Variants in NUP93 observed in about 807,000 individuals in gnomAD.
NUP93 encodes the protein nucleoporin 93.
NUP93 carries 55 observed loss-of-function variants against 107.8 expected under a neutral mutation model. That is an observed-to-expected ratio of 0.51 (90% CI 0.41 to 0.64). The LOEUF is 0.64. NUP93 is among the 30% of genes least tolerant of loss of function. The pLI is 0.00. For missense variants in NUP93, 937 were observed against 1,044.7 expected (o/e 0.90, Z 1.42); for synonymous variants, 390 against 397.5 (o/e 0.98, Z 0.22).
intron 5 of NUP93, among the ~76,000 whole-genome samples, chr16:56,817,360 G>T (rs748793174): frequency 5.3e-5 from 8 of 152,062 alleles, no homozygotes; most frequent in Non-Finnish European, 1.2e-4. Context: ...CCCTCTCCTG[G>T]TGCATGCCCA....
chr16:56,844,788 TTTC>T lies in NUP93; in HGVS notation c.*182_*184del, dbSNP rs1301760541. The T allele has an allele frequency of 1.0e-5, 3 of 295,476 alleles. No individual in the cohort carries two copies. Among genetic ancestry groups the T allele is most frequent in the Non-Finnish European group, 1.6e-5 (3 of 188,626 alleles). 18.3% of individuals were successfully genotyped at this position (295,476 alleles called of 1,614,324 possible). A position where few individuals can be genotyped will look rare whatever the true frequency, so the allele number is the denominator to read the frequency against. ...GTATTTCTTTTCAACATTCTTTTAT[TTTC>T]TTTTTTTTTTTCTTTGAAATTTTGT... On this transcript the variant is annotated 3_prime_UTR_variant, in exon 22 of 22. Coordinates refer to ENST00000308159, the MANE Select transcript of NUP93 (RefSeq NM_014669.5).
At position 56,845,585 on chromosome 16, in the gene NUP93, A is replaced by C. The variant is rs1357776265; in HGVS notation, c.*976A>C. On this transcript the variant is annotated 3_prime_UTR_variant, in exon 22 of 22. Coordinates refer to ENST00000308159, the MANE Select transcript of NUP93 (RefSeq NM_014669.5). The stretch of plus-strand genomic sequence containing the variant: ...CTCTGTTTCCCCCACCATCAGTCCC[A>C]AAGCCCTAGACTAAACCAGAGAGCA... 1 of 152,222 alleles carries C rather than the reference A, an allele frequency of 6.6e-6. No individual in the cohort carries two copies. Among genetic ancestry groups the C allele is most frequent in the East Asian group, 1.9e-4 (1 of 5,200 alleles). 9.4% of individuals were successfully genotyped at this position (152,222 alleles called of 1,614,324 possible).
chr16:56,813,693 A>G (rs1159872392), intron 5 of NUP93, among the ~76,000 whole-genome samples: 2 of 152,224 alleles, frequency 1.3e-5, no homozygotes, highest in Non-Finnish European at 2.9e-5. Context: ...TTACATGCAC[A>G]TCTGTATATC....
intron 8 of NUP93, among the ~76,000 whole-genome samples, chr16:56,827,044 C>CAAAAAAAAAA (rs1188027635): frequency 0.038 from 2,047 of 53,416 alleles, 221 homozygotes; most frequent in East Asian, 0.11. Context: ...GACTCCGTCT[C>CAAAAAAAAAA]AAAAAAAAAA....
chr16:56,817,521 T>TA (rs1322309026), intron 5 of NUP93, among the ~76,000 whole-genome samples: 20 of 152,224 alleles, frequency 1.3e-4, no homozygotes, highest in African/African-American at 4.6e-4. Context: ...GAGATAAGCT[T>TA]AAAGAATTTG....
chr16:56,807,693 A>T (rs1199727534), intron 5 of NUP93, among the ~76,000 whole-genome samples: 4 of 152,084 alleles, frequency 2.6e-5, no homozygotes, highest in African/African-American at 9.7e-5. Context: ...CTAAGTTGAA[A>T]TTTTTTTCCC....
chr16:56,801,949 C>T (rs1446931838), intron 4 of NUP93, among the ~76,000 whole-genome samples: 1 of 152,196 alleles, frequency 6.6e-6, no homozygotes. Flanking sequence ...CCACTGTCCT[C>T]TTCAGCAGTC....
chr16:56,823,596 A>G (rs1963594170), intron 7 of NUP93, 111 bp from the exon 8 acceptor site: 2 of 1,267,394 alleles, frequency 1.6e-6, no homozygotes, highest in Non-Finnish European at 2.2e-6. Context: ...AGATGACATT[A>G]ACCTCATCCC....
chr16:56,803,338 G>C (rs1182733776), intron 4 of NUP93, among the ~76,000 whole-genome samples: 1 of 152,028 alleles, frequency 6.6e-6, no homozygotes, highest in African/African-American at 2.4e-5. Context: ...GGTGGTGCAT[G>C]CTTGTAATCC....
intron 1 of NUP93, among the ~76,000 whole-genome samples, chr16:56,747,123 C>T (rs57458807): frequency 0.31 from 47,004 of 151,668 alleles, 7,628 homozygotes; most frequent in East Asian, 0.46. Flanking sequence ...CTCAGCTTCC[C>T]GAGTAGCTGG....
rs750817566 is a variant in NUP93, at chr16:56,837,656, G to A, written c.1948G>A (p.Val650Ile). The A allele has an allele frequency of 6.8e-6, 11 of 1,613,992 alleles. No individual in the cohort carries two copies. Among genetic ancestry groups the A allele is most frequent in the Admixed American group, 1.7e-5 (1 of 60,008 alleles). ...ELMNKLLSPV[V>I]PQISAPQSNK... The stretch of plus-strand genomic sequence containing the variant: ...GATGAACAAACTGCTGAGCCCTGTC[G>A]TCCCCCAGATCAGTGCCCCGCAATC... The change falls in exon 18 of 22, where the codon GTC becomes ATC. Residue 650 changes from valine to isoleucine, a missense_variant. Coordinates refer to ENST00000308159, the MANE Select transcript of NUP93 (RefSeq NM_014669.5).
intron 5 of NUP93, among the ~76,000 whole-genome samples, chr16:56,817,421 T>C (rs2144601759): frequency 1.3e-5 from 2 of 152,356 alleles, no homozygotes; most frequent in South Asian, 4.1e-4. Flanking sequence ...TTGGCTGTTA[T>C]CTTCCCCATT....
At chr16:56,752,675 C>A (rs1961945155) in intron 2 of NUP93, among the ~76,000 whole-genome samples, 1 of 152,082 alleles carries the variant, frequency 6.6e-6, no homozygotes, top group South Asian at 2.1e-4. Flanking sequence ...TATAGAGATA[C>A]AAGAGACTTA....
chr16:56,821,424 C>T (rs969808708), intron 6 of NUP93, 80 bp from the exon 7 acceptor site: 4 of 955,416 alleles, frequency 4.2e-6, no homozygotes, highest in Admixed American at 3.8e-5. Flanking sequence ...AAGCTTCTGC[C>T]GGCCATTGCC....
chr16:56,807,125 C>T (rs1171641536), intron 5 of NUP93, among the ~76,000 whole-genome samples: 1 of 152,170 alleles, frequency 6.6e-6, no homozygotes, highest in Non-Finnish European at 1.5e-5. Context: ...TGCTGCTTTC[C>T]CTGTTGTTCT....
intron 3 of NUP93, among the ~76,000 whole-genome samples, chr16:56,772,105 C>A (rs1962332925): frequency 6.6e-6 from 1 of 152,144 alleles, no homozygotes; most frequent in Admixed American, 6.6e-5. Context: ...CACCTGTCCC[C>A]TTGCCTCAGC....
intron 5 of NUP93, among the ~76,000 whole-genome samples, chr16:56,816,287 A>G (rs1358376302): frequency 6.6e-6 from 1 of 152,210 alleles, no homozygotes; most frequent in Non-Finnish European, 1.5e-5. Context: ...GTGGTTTTTT[A>G]AATTAAATCT....
chr16:56,745,952 C>G (rs1324364757), intron 1 of NUP93, among the ~76,000 whole-genome samples: 1 of 152,032 alleles, frequency 6.6e-6, no homozygotes, highest in African/African-American at 2.4e-5. Context: ...TGAGCATTTC[C>G]TTTGTCTGAC....
At chr16:56,794,271 G>A (rs1213376919) in intron 3 of NUP93, among the ~76,000 whole-genome samples, 2 of 152,056 alleles carry the variant, frequency 1.3e-5, no homozygotes, top group Non-Finnish European at 2.9e-5. Flanking sequence ...CTATTTTGTG[G>A]GCTCAGTTTG....
Sources: allele counts gnomAD v4.1 joint callset (sites outside exome capture counted in the v4.1 genomes callset), GRCh38; gene constraint gnomAD v4.1.1; transcripts MANE v1.5; gene names NCBI Gene and HGNC (gene_info 2026-07-23, HGNC 2026-07-21).